AGBL1: variants seen among roughly 807,000 people sequenced by gnomAD.
AGBL1 encodes AGBL carboxypeptidase 1.
In AGBL1, 130 loss-of-function variants were observed where a neutral mutation model predicts 118.9. That is an observed-to-expected ratio of 1.09 (90% CI 0.95 to 1.26). The LOEUF is 1.26. Ranked by LOEUF, AGBL1 falls within the 50% of genes most tolerant of loss-of-function variation. AGBL1 has a pLI of 0.00. For synonymous variants in AGBL1, 555 were observed against 478.9 expected (o/e 1.16, Z -2.08); for missense variants, 1,584 against 1,298.1 (o/e 1.22, Z -3.38).
chr15:86,987,837 ACCTTATG>A lies in AGBL1; in HGVS notation c.3222-149_3222-143del, dbSNP rs1426052015. 1.3e-5 allele frequency: 9 copies of A among 692,690 alleles called. No individual in the cohort carries two copies. In the African/African-American group the frequency reaches 1.7e-4, roughly 13 times the overall value. The allele number at this position is 692,690 out of a possible 1,614,324, so 42.9% of individuals were successfully genotyped here. ...GATTATAAATATTTGTATGTTTCTG[ACCTTATG>A]TTGCTGGTATCTTACTATATATATC... On this transcript the variant is annotated intron_variant, in intron 23 of 24. Transcript: ENST00000441037.
At chr15:86,323,476 T>C (rs144606184) in intron 17 of AGBL1, among the ~76,000 whole-genome samples, 1 of 152,256 alleles carries the variant, frequency 6.6e-6, no homozygotes, top group African/African-American at 2.4e-5. Flanking sequence ...GTATTGTGCA[T>C]TGTCATGTTA....
In AGBL1 at chr15:86,271,661, G is replaced by T. The variant is rs2079164386; in HGVS notation, c.2030G>T (p.Gly677Val). 6.2e-7 allele frequency: 1 copy of T among 1,613,304 alleles called. No individual in the cohort carries two copies. The highest frequency in any genetic ancestry group is 1.7e-5 in the Admixed American group (1 of 59,998). Residue 677 changes from glycine to valine, a missense_variant, in exon 15 of 23, where the codon GGC becomes GTC. By Grantham distance (109) the Gly-to-Val change is moderately radical. Coordinates refer to ENST00000614907, the MANE Select transcript of AGBL1 (RefSeq NM_001386094.1). ...TATTCTGTGAAGGAGGCTCTTCTTG[G>T]CAAACCCACCTGGATAAGGACAGGC... Reference protein sequence around the residue: ...TLYSVKEALLGKPTWIRTGHE... With the variant: ...TLYSVKEALLVKPTWIRTGHE...
intron 23 of AGBL1, among the ~76,000 whole-genome samples, chr15:86,934,185 G>A (rs1335293055): frequency 6.6e-6 from 1 of 152,156 alleles, no homozygotes; most frequent in Non-Finnish European, 1.5e-5. Flanking sequence ...CTGGGGAGAG[G>A]AGTAAGTGAA....
chr15:86,896,908 T>C (rs1281790454), intron 22 of AGBL1, among the ~76,000 whole-genome samples: 1 of 152,198 alleles, frequency 6.6e-6, no homozygotes, highest in Admixed American at 6.5e-5. Context: ...AATCTTTGGA[T>C]TTCCTAGACT....
At chr15:86,326,909 C>G (rs1030349324) in intron 17 of AGBL1, among the ~76,000 whole-genome samples, 1 of 151,442 alleles carries the variant, frequency 6.6e-6, no homozygotes, top group African/African-American at 2.4e-5. Context: ...CCCCCATATC[C>G]TCGAGTTTTT....
At chr15:86,753,664 C>T in intron 22 of AGBL1, among the ~76,000 whole-genome samples, 1 of 152,120 alleles carries the variant, frequency 6.6e-6, no homozygotes, top group Non-Finnish European at 1.5e-5. Flanking sequence ...TCCCAAAGTG[C>T]TGGGAGTACA....
In AGBL1 at chr15:86,526,558, A is replaced by G. The variant is rs531400282; in HGVS notation, c.2685+3619A>G. The stretch of plus-strand genomic sequence containing the variant: ...TTTGTGTCTGTGTATATATATATAT[A>G]TATATATATATATATACACACAGAG... On this transcript the variant is annotated intron_variant, in intron 19 of 22. Transcript: ENST00000614907. Among the ~76,000 whole-genome samples the G allele has an allele frequency of 1.5e-3, 204 of 138,872 alleles. 1 individual carries two copies. The highest frequency in any genetic ancestry group is 4.2e-3 in the African/African-American group (151 of 35,944). The allele number at this position is 138,872 out of a possible 152,430, so 91.1% of individuals were successfully genotyped here.
At chr15:86,517,640 A>C (rs1392854724) in intron 18 of AGBL1, among the ~76,000 whole-genome samples, 7 of 151,838 alleles carry the variant, frequency 4.6e-5, no homozygotes, top group Admixed American at 4.6e-4. Context: ...CCTGTGTTAG[A>C]TCTCTTATCT....
chr15:86,359,739 TGTAATTATAA>T (rs2080775837), intron 17 of AGBL1, among the ~76,000 whole-genome samples: 1 of 151,952 alleles, frequency 6.6e-6, no homozygotes, highest in African/African-American at 2.4e-5. Context: ...TGTAATTATA[TGTAATTATAA>T]AATAAGCATA....
intron 17 of AGBL1, among the ~76,000 whole-genome samples, chr15:86,361,557 A>G (rs2080805568): frequency 6.6e-6 from 1 of 152,080 alleles, no homozygotes; most frequent in Non-Finnish European, 1.5e-5. Flanking sequence ...GAAGTCTCCT[A>G]CTATTATTGT....
intron 21 of AGBL1, among the ~76,000 whole-genome samples, chr15:86,657,248 C>T (rs1243944444): frequency 2.0e-5 from 3 of 152,160 alleles, no homozygotes; most frequent in Non-Finnish European, 2.9e-5. Flanking sequence ...ACAAGTGCCG[C>T]GGGCTGACTG....
chr15:86,375,652 T>C (rs1422896882), intron 17 of AGBL1, among the ~76,000 whole-genome samples: 1 of 152,188 alleles, frequency 6.6e-6, no homozygotes, highest in Non-Finnish European at 1.5e-5. Context: ...GCAAAAAAGG[T>C]ACTCGGCTGT....
In AGBL1 at chr15:86,910,369, G is replaced by C. The variant is rs1345517422; in HGVS notation, c.*3075G>C. The C allele has an allele frequency of 2.0e-5, 3 of 152,194 alleles. No individual in the cohort carries two copies. The highest frequency in any genetic ancestry group is 4.4e-5 in the Non-Finnish European group (3 of 68,040). The allele number at this position is 152,194 out of a possible 1,614,324, so 9.4% of individuals were successfully genotyped here. ...GAGGAGAGTGACAAGAGATGAAATG[G>C]AAAAACTAGACAGCAGTCAGATAAA... On this transcript the variant is annotated 3_prime_UTR_variant, in exon 23 of 23. Transcript: ENST00000614907.
intron 18 of AGBL1, among the ~76,000 whole-genome samples, chr15:86,521,607 C>G (rs980641879): frequency 6.6e-6 from 1 of 152,050 alleles, no homozygotes; most frequent in Non-Finnish European, 1.5e-5. Flanking sequence ...CAGATTGATC[C>G]CCTAAACGTT....
At position 86,415,648 on chromosome 15, in the gene AGBL1, T is replaced by C. The variant is rs138413176; in HGVS notation, c.2555+18102T>C. On this transcript the variant is annotated intron_variant, in intron 18 of 22. Coordinates refer to ENST00000614907, the MANE Select transcript of AGBL1 (RefSeq NM_001386094.1). ...ATATTGCTAACTCATTTTTAGTTCA[T>C]TGTCAAATAAAACATCTAAGATTTT... 2.2e-3 allele frequency among the ~76,000 whole-genome samples: 336 copies of C among 152,274 alleles called. 4 individuals carry two copies. Among genetic ancestry groups the C allele is most frequent in the African/African-American group, 7.7e-3 (319 of 41,556 alleles).
intron 22 of AGBL1, among the ~76,000 whole-genome samples, chr15:86,874,097 A>G (rs2079768993): frequency 6.6e-6 from 1 of 152,156 alleles, no homozygotes; most frequent in African/African-American, 2.4e-5. Context: ...TGATTCAGCT[A>G]TGGAAGTGCT....
At chr15:86,470,066 A>G (rs945179019) in intron 18 of AGBL1, among the ~76,000 whole-genome samples, 8 of 152,124 alleles carry the variant, frequency 5.3e-5, no homozygotes, top group African/African-American at 1.9e-4. Context: ...GTGCAGAAGC[A>G]TTTTAGTATG....
intron 1 of AGBL1, chr15:86,140,145 CAG>C (rs2076943062): frequency 6.3e-6 from 1 of 159,276 alleles, no homozygotes; most frequent in African/African-American, 2.4e-5. Context: ...TCTTCACCCT[CAG>C]GGGGGTACTT....
rs139642367 is a variant in AGBL1 at position 87,024,359 on chromosome 15, G to A, written c.3324-4466G>A. On this transcript the variant is annotated intron_variant, in intron 24 of 24. Transcript: ENST00000441037. ...AAGGCTACTATGAACATCTTTACAT[G>A]CATAAATTAGAAACCTAGAAGAAAT... Among the ~76,000 whole-genome samples the A allele has an allele frequency of 9.9e-4, 151 of 152,002 alleles. 1 individual carries two copies. Among genetic ancestry groups the A allele is most frequent in the Admixed American group, 8.2e-3 (125 of 15,244 alleles).
Sources: allele counts gnomAD v4.1 joint callset (sites outside exome capture counted in the v4.1 genomes callset), GRCh38; gene constraint gnomAD v4.1.1; transcripts MANE v1.5; gene names NCBI Gene and HGNC (gene_info 2026-07-23, HGNC 2026-07-21).